PDCD4: variants seen among roughly 807,000 people sequenced by gnomAD.
PDCD4 encodes the protein programmed cell death 4.
In PDCD4, 56 loss-of-function variants were observed where a neutral mutation model predicts 54.0. The ratio of observed to expected loss-of-function variants is 1.04; its 90% CI spans 0.84 to 1.30. PDCD4 has a LOEUF of 1.30. Ranked by LOEUF, PDCD4 falls within the 50% of genes most tolerant of loss-of-function variation. PDCD4 has a pLI of 0.00. For synonymous variants in PDCD4, 186 were observed against 194.8 expected (o/e 0.95, Z 0.37); for missense variants, 584 against 559.8 (o/e 1.04, Z -0.44).
chr10:110,873,543 G>A (rs1369857982), intron 1 of PDCD4, among the ~76,000 whole-genome samples: 1 of 152,180 alleles, frequency 6.6e-6, no homozygotes, highest in Non-Finnish European at 1.5e-5. Flanking sequence ...GAAAAGAACA[G>A]TGTTTAATGT....
At chr10:110,890,509 T>C in intron 7 of PDCD4, 47 bp from the exon 8 acceptor site, 1 of 1,060,392 alleles carries the variant, frequency 9.4e-7, no homozygotes, top group Non-Finnish European at 1.4e-6. Flanking sequence ...TTAGTAAACT[T>C]TAGGTATGTC....
rs191243012 is a variant in PDCD4 at position 110,892,778 on chromosome 10, A to T, written c.991-1313A>T. On this transcript the variant is annotated intron_variant, in intron 8 of 11. Coordinates refer to ENST00000280154, the MANE Select transcript of PDCD4 (RefSeq NM_014456.5). ...AGTATACAGTGTTTATAAAGTGCAT[A>T]GCCAGTGTATGGGTAATGTCTTAGG... Among the ~76,000 whole-genome samples the T allele has an allele frequency of 1.3e-3, 196 of 152,300 alleles. 1 individual carries two copies. The highest frequency in any genetic ancestry group is 3.4e-3 in the Middle Eastern group (1 of 294).
intron 4 of PDCD4, 134 bp from the exon 5 acceptor site, chr10:110,885,119 C>T (rs1269436763): frequency 1.6e-5 from 8 of 509,776 alleles, no homozygotes; most frequent in East Asian, 3.3e-5. Context: ...TATATGCGAT[C>T]AATGTATGTA....
intron 6 of PDCD4, among the ~76,000 whole-genome samples, chr10:110,888,913 A>C (rs1845711137): frequency 6.6e-6 from 1 of 151,910 alleles, no homozygotes; most frequent in Admixed American, 6.6e-5. Context: ...GAGAGAACCT[A>C]GTCCTTTTTT....
At chr10:110,876,395 T>TGAAAAAA (rs1249198505) in intron 2 of PDCD4, among the ~76,000 whole-genome samples, 1 of 152,260 alleles carries the variant, frequency 6.6e-6, no homozygotes, top group Non-Finnish European at 1.5e-5. Context: ...TATCTTTAAA[T>TGAAAAAA]ACTCTTTTAT....
At chr10:110,897,933 C>T (rs970209613) in intron 11 of PDCD4, 95 bp from the exon 12 acceptor site, 27 of 773,560 alleles carry the variant, frequency 3.5e-5, no homozygotes, top group African/African-American at 3.4e-4. Context: ...AAAGCTAACA[C>T]GTAACGAAAA....
chr10:110,872,246 C>T (rs369411222), intron 1 of PDCD4: 1 of 152,412 alleles, frequency 6.6e-6, no homozygotes, highest in East Asian at 1.9e-4. Context: ...GCCTGGTTCC[C>T]TCTTTCTGAG....
chr10:110,883,100 A>G lies in PDCD4; in HGVS notation c.441+3A>G, dbSNP rs1037669028. On this transcript the variant is annotated splice_donor_region_variant and intron_variant, in intron 4 of 11. Transcript: ENST00000280154. ...ATCCTAACTATGATGATGACCAGGT[A>G]TCAGTGCTTTGCTTTTTCATAATAT... 1.3e-6 allele frequency: 2 copies of G among 1,546,654 alleles called. No homozygotes were observed. The highest frequency in any genetic ancestry group is 1.8e-6 in the Non-Finnish European group (2 of 1,138,228).
At chr10:110,885,785 A>T (rs1166935109) in intron 5 of PDCD4, among the ~76,000 whole-genome samples, 1 of 152,068 alleles carries the variant, frequency 6.6e-6, no homozygotes, top group Non-Finnish European at 1.5e-5. Context: ...TATGTTCAGA[A>T]GTAGGATAAA....
intron 1 of PDCD4, among the ~76,000 whole-genome samples, chr10:110,874,695 A>G (rs11813593): frequency 6.6e-6 from 1 of 152,158 alleles, no homozygotes; most frequent in Non-Finnish European, 1.5e-5. Context: ...TAAGAAGCCT[A>G]TAATTTTAAC....
At chr10:110,893,144 A>ATCCC (rs1286539461) in intron 8 of PDCD4, among the ~76,000 whole-genome samples, 1 of 152,070 alleles carries the variant, frequency 6.6e-6, no homozygotes, top group African/African-American at 2.4e-5. Flanking sequence ...TTCAGAATGT[A>ATCCC]TCCCTGTTAA....
At position 110,876,047 on chromosome 10, in the gene PDCD4, A is replaced by G. The variant is rs1313614902; in HGVS notation, c.20A>G (p.Gln7Arg). 23 of 1,611,140 alleles carry G rather than the reference A, an allele frequency of 1.4e-5. No individual in the cohort carries two copies. Among genetic ancestry groups the G allele is most frequent in the Non-Finnish European group, 2.0e-5 (23 of 1,178,300 alleles). The change falls in exon 2 of 12, where the codon CAG (glutamine) becomes CGG (arginine). Residue 7 changes from glutamine (Q) to arginine (R), a missense_variant. Physicochemically the swap from Gln to Arg is conservative, Grantham distance 43. Coordinates refer to ENST00000280154, the MANE Select transcript of PDCD4 (RefSeq NM_014456.5). ...GGGAAAATGGATGTAGAAAATGAGC[A>G]GATACTGAATGTAAACCCTGCAGGT... MDVENE[Q>R]ILNVNPADPD... is the part of the protein sequence containing the mutation.
intron 5 of PDCD4, 76 bp from the exon 6 acceptor site, chr10:110,887,589 T>A (rs1845687116): frequency 9.9e-7 from 1 of 1,007,988 alleles, no homozygotes; most frequent in Admixed American, 2.2e-5. Context: ...AAGCTCAATT[T>A]TTCAAAAATA....
chr10:110,897,959 A>T, intron 11 of PDCD4, 69 bp from the exon 12 acceptor site: 1 of 1,139,182 alleles, frequency 8.8e-7, no homozygotes, highest in Non-Finnish European at 1.2e-6. Context: ...CAAGTTTTTA[A>T]TTTTTTTATA....
intron 5 of PDCD4, among the ~76,000 whole-genome samples, chr10:110,886,521 A>T (rs1270727159): frequency 2.0e-5 from 3 of 152,290 alleles, no homozygotes; most frequent in East Asian, 3.9e-4. Flanking sequence ...CTGTGAAAAT[A>T]GTTTTGGCAC....
chr10:110,881,716 T>C (rs1317154639), intron 3 of PDCD4, among the ~76,000 whole-genome samples, 181 bp downstream of exon 3: 2 of 152,236 alleles, frequency 1.3e-5, no homozygotes, highest in Non-Finnish European at 2.9e-5. Flanking sequence ...ACTTTTTCTT[T>C]AGGTTGATGT....
At chr10:110,875,889 T>G (rs780830951) in intron 1 of PDCD4, 77 bp from the exon 2 acceptor site, 2 of 578,994 alleles carry the variant, frequency 3.5e-6, no homozygotes, top group Non-Finnish European at 6.0e-6. Context: ...TACAGTGTGC[T>G]TAAGTAAGTT....
rs748885694 is a variant in PDCD4, at chr10:110,881,253, T to G, written c.64T>G (p.Ser22Ala). 18 of 1,612,350 alleles carry G rather than the reference T, an allele frequency of 1.1e-5. No individual in the cohort carries two copies. Among genetic ancestry groups the G allele is most frequent in the Non-Finnish European group, 1.5e-5 (18 of 1,178,872 alleles). ...NPADPDNLSD[S>A]LFSGDEENAG... ...TTAAGATCCTGATAACTTAAGTGACTCTCTCTTTTCCGGTGATGAAGAAAA... is the reference window on the plus strand; with the variant it reads ...TTAAGATCCTGATAACTTAAGTGACGCTCTCTTTTCCGGTGATGAAGAAAA... Residue 22 changes from serine to alanine, a missense_variant, in exon 3 of 12, where the codon TCT becomes GCT. Physicochemically the swap from Ser to Ala is moderately conservative, Grantham distance 99. Coordinates refer to ENST00000280154, the MANE Select transcript of PDCD4 (RefSeq NM_014456.5).
rs1845914077 is a variant in PDCD4 at position 110,899,311 on chromosome 10, C to G, written c.*1223C>G. Reference sequence around the variant, plus strand: ...AGATATAGTCTGTTAGAATTAAAACCAAGTTTAGTGTTCATATTTACCTCA... The same window carrying G: ...AGATATAGTCTGTTAGAATTAAAACGAAGTTTAGTGTTCATATTTACCTCA... On this transcript the variant is annotated 3_prime_UTR_variant, in exon 12 of 12. Transcript: ENST00000280154. 1 of 152,070 alleles carries G rather than the reference C, an allele frequency of 6.6e-6. No homozygotes were observed. The highest frequency in any genetic ancestry group is 2.4e-5 in the African/African-American group (1 of 41,402). The allele number at this position is 152,070 out of a possible 1,614,324, so 9.4% of individuals were successfully genotyped here.
Sources: allele counts gnomAD v4.1 joint callset (sites outside exome capture counted in the v4.1 genomes callset), GRCh38; gene constraint gnomAD v4.1.1; transcripts MANE v1.5; gene names NCBI Gene and HGNC (gene_info 2026-07-23, HGNC 2026-07-21).